ERBB2: variants seen among roughly 807,000 people sequenced by gnomAD.
ERBB2 encodes erb-b2 receptor tyrosine kinase 2, also known as receptor tyrosine-protein kinase erbB-2.
Under a neutral mutation model 149.0 loss-of-function variants are expected in ERBB2, and 61 were observed. That is an observed-to-expected ratio of 0.41 (90% CI 0.33 to 0.51). ERBB2 has a LOEUF of 0.51. ERBB2 is among the 20% of genes least tolerant of loss of function. ERBB2 has a pLI of 0.25. For synonymous variants in ERBB2, 633 were observed against 678.8 expected (o/e 0.93, Z 1.05); for missense variants, 1,205 against 1,655.1 (o/e 0.73, Z 4.72).
At chr17:39,706,848 C>A (rs1487531052) in intron 1 of ERBB2, 142 bp from the exon 2 acceptor site, 1 of 708,152 alleles carries the variant, frequency 1.4e-6, no homozygotes, top group Non-Finnish European at 2.1e-6. Context: ...CTGCAGTGTG[C>A]AAGGGACATG....
chr17:39,722,289 G>A (rs1450503760), intron 16 of ERBB2, among the ~76,000 whole-genome samples: 1 of 152,126 alleles, frequency 6.6e-6, no homozygotes, highest in Admixed American at 6.6e-5. Context: ...GATCCTTTGA[G>A]GCCAGAAGCT....
chr17:39,728,358 C>T lies in ERBB2; in HGVS notation c.*314C>T, dbSNP rs1597893908. Reference sequence around the variant, plus strand: ...CCTTCCAGATCCTGGGTACTGAAAGCCTTAGGGAAGCTGGCCTGAGAGGGG... The same window carrying T: ...CCTTCCAGATCCTGGGTACTGAAAGTCTTAGGGAAGCTGGCCTGAGAGGGG... On this transcript the variant is annotated 3_prime_UTR_variant, in exon 27 of 27. Transcript: ENST00000269571. 6.2e-6 allele frequency: 2 copies of T among 325,046 alleles called. No individual in the cohort carries two copies. Among genetic ancestry groups the T allele is most frequent in the Non-Finnish European group, 5.7e-6 (1 of 176,334 alleles). 20.1% of individuals were successfully genotyped at this position (325,046 alleles called of 1,614,324 possible). A position where few individuals can be genotyped will look rare whatever the true frequency, so the allele number is the denominator to read the frequency against.
Position 39,726,486 on chromosome 17 carries a change from G to A in ERBB2, c.2873-76G>A, listed in dbSNP as rs755862450. ...CCCTTGGGACTGTCTAGACCAGACT[G>A]GAGGGGGAGTGGGAGGGGAGAGGCA... On this transcript the variant is annotated intron_variant, in intron 23 of 26. Coordinates refer to ENST00000269571, the MANE Select transcript of ERBB2 (RefSeq NM_004448.4). This position sits in a 1 kb window ranked among gnomAD's most constrained non-coding sequence, Gnocchi z 5.1. 2.8e-5 allele frequency: 35 copies of A among 1,231,752 alleles called. No individual in the cohort carries two copies. The highest frequency in any genetic ancestry group is 1.9e-4 in the Middle Eastern group (1 of 5,322). The allele number at this position is 1,231,752 out of a possible 1,614,324, so 76.3% of individuals were successfully genotyped here.
Position 39,728,297 on chromosome 17 carries a change from G to A in ERBB2, c.*253G>A. The A allele has an allele frequency of 2.4e-6, 1 of 418,176 alleles. No homozygotes were observed. Among genetic ancestry groups the A allele is most frequent in the African/African-American group, 2.0e-5 (1 of 51,194 alleles). The allele number at this position is 418,176 out of a possible 1,614,324, so 25.9% of individuals were successfully genotyped here. A position where few individuals can be genotyped will look rare whatever the true frequency, so the allele number is the denominator to read the frequency against. ...TGAGGCCCTGCCCAATGAGACTCTA[G>A]GGTCCAGTGGATGCCACAGCCCAGC... On this transcript the variant is annotated 3_prime_UTR_variant, in exon 27 of 27. Transcript: ENST00000269571.
At chr17:39,717,296 A>C (rs2145704554) in intron 14 of ERBB2, 24 bp from the exon 15 acceptor site, 1 of 1,579,000 alleles carries the variant, frequency 6.3e-7, no homozygotes, top group Non-Finnish European at 8.6e-7. Context: ...CCAGCCCCCC[A>C]CAAATCTTTT....
At chr17:39,708,136 A>G (rs2058565777) in intron 2 of ERBB2, 185 bp from the exon 3 acceptor site, 1 of 545,138 alleles carries the variant, frequency 1.8e-6, no homozygotes. Flanking sequence ...TTGATCATAT[A>G]AGAATCTGGT....
Position 39,723,797 on chromosome 17 carries a change from C to A in ERBB2, c.2209-115C>A, listed in dbSNP as rs1252548139. ...AGGGCAGTTACAGCGGAGAAGGGAG[C>A]GGGGCCAAGCCCTAGGGTGGTGAAG... On this transcript the variant is annotated intron_variant, in intron 18 of 26. Coordinates refer to ENST00000269571, the MANE Select transcript of ERBB2 (RefSeq NM_004448.4). This position sits in a 1 kb window ranked among gnomAD's most constrained non-coding sequence, Gnocchi z 6.2. The A allele has an allele frequency of 4.1e-6, 6 of 1,477,536 alleles. No homozygotes were observed. Among genetic ancestry groups the A allele is most frequent in the African/African-American group, 1.4e-5 (1 of 72,154 alleles). 91.5% of individuals were successfully genotyped at this position (1,477,536 alleles called of 1,614,324 possible).
At chr17:39,693,870 C>T (rs2057766690), upstream of ERBB2, among the ~76,000 whole-genome samples, 2 of 150,476 alleles carry the variant, frequency 1.3e-5, no homozygotes, top group African/African-American at 4.9e-5. Flanking sequence ...GGACAGATCA[C>T]CTGAGGTCAG....
Position 39,725,474 on chromosome 17 carries a change from G to A in ERBB2, c.2725+72G>A, listed in dbSNP as rs1245817417. 1 of 1,479,170 alleles carries A rather than the reference G, an allele frequency of 6.8e-7. No homozygotes were observed. The highest frequency in any genetic ancestry group is 9.4e-7 in the Non-Finnish European group (1 of 1,063,170). The allele number at this position is 1,479,170 out of a possible 1,614,324, so 91.6% of individuals were successfully genotyped here. Reference sequence around the variant, plus strand: ...GGAGGGAGGATGAGAGCTGGGATGGGGAGAATTACGGGGCCACCTCAGCAT... The same window carrying A: ...GGAGGGAGGATGAGAGCTGGGATGGAGAGAATTACGGGGCCACCTCAGCAT... On this transcript the variant is annotated intron_variant, in intron 22 of 26. Coordinates refer to ENST00000269571, the MANE Select transcript of ERBB2 (RefSeq NM_004448.4). This position sits in a 1 kb window ranked among gnomAD's most constrained non-coding sequence, Gnocchi z 4.6.
At chr17:39,699,432 G>A, upstream of ERBB2, 8 of 908,468 alleles carry the variant, frequency 8.8e-6, no homozygotes, top group Non-Finnish European at 1.3e-5. Flanking sequence ...TTGCTCTCCA[G>A]CCTGGGCAAC....
chr17:39,715,687 C>A lies in ERBB2; in HGVS notation c.1314-53C>A, dbSNP rs2059078834. 8.8e-6 allele frequency: 14 copies of A among 1,589,856 alleles called. No individual in the cohort carries two copies. In the South Asian group the frequency reaches 1.5e-4, roughly 18 times the overall value. ...TGGGGATGGAGGAAGATGAGAATAG[C>A]CTTTGCTGACCGGGAAGGGGTCCGT... On this transcript the variant is annotated intron_variant, in intron 11 of 26. Transcript: ENST00000269571.
chr17:39,709,566 C>A, intron 4 of ERBB2, 114 bp downstream of exon 4: 2 of 1,243,786 alleles, frequency 1.6e-6, no homozygotes, highest in Non-Finnish European at 1.1e-6. Context: ...CTACACCACC[C>A]ATTTCCTCCC....
At position 39,725,422 on chromosome 17, in the gene ERBB2, G is replaced by C. The variant is rs1414098921; in HGVS notation, c.2725+20G>C. The C allele has an allele frequency of 6.2e-7, 1 of 1,603,572 alleles. No individual in the cohort carries two copies. The highest frequency in any genetic ancestry group is 8.5e-7 in the Non-Finnish European group (1 of 1,170,766). On this transcript the variant is annotated intron_variant, in intron 22 of 26. Coordinates refer to ENST00000269571, the MANE Select transcript of ERBB2 (RefSeq NM_004448.4). The surrounding 1 kb of genome is among the most constrained non-coding windows in gnomAD (Gnocchi z 4.6). ...GTTATGGTGTGTGATGGGGGGTGTTGGGAGGGGTGGGTGAGGAGCCATGGC... is the reference window on the plus strand; with the variant it reads ...GTTATGGTGTGTGATGGGGGGTGTTCGGAGGGGTGGGTGAGGAGCCATGGC...
At chr17:39,717,790 A>AAC (rs67643218) in intron 15 of ERBB2, 19,569 of 171,824 alleles carry the variant, frequency 0.11, 1,190 homozygotes, top group Non-Finnish European at 0.12. Context: ...TGCACATTTT[A>AAC]ACACACACAC....
chr17:39,707,517 C>T (rs1252941466), intron 2 of ERBB2: 1 of 188,250 alleles, frequency 5.3e-6, no homozygotes, highest in Non-Finnish European at 1.1e-5. Context: ...CTGACGAGCC[C>T]TATGAATGTG....
At chr17:39,713,746 C>G (rs1241824298) in intron 9 of ERBB2, among the ~76,000 whole-genome samples, 1 of 142,414 alleles carries the variant, frequency 7.0e-6, no homozygotes, top group African/African-American at 2.8e-5. Flanking sequence ...GAGTGAGACC[C>G]TGTCTCAAAA....
In ERBB2 at chr17:39,727,458, C is replaced by T. The variant is rs2143250829; in HGVS notation, c.3323C>T (p.Pro1108Leu). ...AGCCTCCCCACACATGACCCCAGCC[C>T]TCTACAGCGGTACAGTGAGGACCCC... Reference protein sequence around the residue: ...LQSLPTHDPSPLQRYSEDPTV... With the variant: ...LQSLPTHDPSLLQRYSEDPTV... Residue 1108 changes from proline to leucine, a missense_variant, in exon 26 of 27, where the codon CCT becomes CTT. By Grantham distance (98) the Pro-to-Leu change is moderately conservative (BLOSUM62 -3). Around this residue, in one of 6 missense-constraint regions of ERBB2, gnomAD observed 312 missense variants for 343.8 expected, o/e 0.91. Transcript: ENST00000269571. The surrounding 1 kb of genome is among the most constrained non-coding windows in gnomAD (Gnocchi z 4.3). 6.2e-7 allele frequency: 1 copy of T among 1,610,784 alleles called. No homozygotes were observed. Among genetic ancestry groups the T allele is most frequent in the South Asian group, 1.1e-5 (1 of 90,638 alleles).
In ERBB2 at chr17:39,724,858, C is replaced by T. The variant is rs587778267; in HGVS notation, c.2440C>T (p.Arg814Cys). ...GCLLDHVREN[R>C]GRLGSQDLLN... ...CCTCTTAGACCATGTCCGGGAAAAC[C>T]GCGGACGCCTGGGCTCCCAGGACCT... The change falls in exon 20 of 27, where the codon CGC becomes TGC. Residue 814 changes from arginine (R) to cysteine (C), a missense_variant. By Grantham distance (180) the Arg-to-Cys change is radical (BLOSUM62 -3). This residue lies in a region of ERBB2 where 152 missense variants were observed against 318.1 expected (regional missense o/e 0.48). Transcript: ENST00000269571. 8 of 1,614,224 alleles carry T rather than the reference C, an allele frequency of 5.0e-6. No individual in the cohort carries two copies. The highest frequency in any genetic ancestry group is 1.1e-5 in the South Asian group (1 of 91,088).
intron 4 of ERBB2, 128 bp downstream of exon 4, chr17:39,709,580 C>G (rs2058673103): frequency 5.5e-6 from 6 of 1,092,544 alleles, no homozygotes; most frequent in Admixed American, 2.0e-5. Context: ...TCCTCCCTCT[C>G]TGTCCCTCCT....
Sources: allele counts gnomAD v4.1 joint callset (sites outside exome capture counted in the v4.1 genomes callset), GRCh38; gene constraint gnomAD v4.1.1; regional missense constraint gnomAD v4.1.1; non-coding constraint Gnocchi (gnomAD v3.1); transcripts MANE v1.5; gene names NCBI Gene and HGNC (gene_info 2026-07-23, HGNC 2026-07-21).